Variants in NRXN3 observed in about 807,000 individuals in gnomAD.
The protein encoded by NRXN3 is neurexin III.
Under a neutral mutation model 137.6 loss-of-function variants are expected in NRXN3, and 32 were observed. The observed-to-expected ratio is 0.23, with a 90% CI of 0.18 to 0.31. The LOEUF is 0.31. NRXN3 is among the 10% of genes least tolerant of loss of function. The pLI is 1.00. For missense variants in NRXN3, 1,574 were observed against 2,062.5 expected (o/e 0.76, Z 4.59); for synonymous variants, 798 against 784.5 (o/e 1.02, Z -0.29).
chr14:78,293,516 TC>T (rs1423137635), intron 3 of NRXN3, among the ~76,000 whole-genome samples: 1 of 152,084 alleles, frequency 6.6e-6, no homozygotes, highest in Non-Finnish European at 1.5e-5. Context: ...TCCACCACTC[TC>T]CTAAAGGATC....
At chr14:78,283,147 G>T (rs77983856) in intron 3 of NRXN3, 1 of 152,264 alleles carries the variant, frequency 6.6e-6, no homozygotes, top group African/African-American at 2.4e-5. Flanking sequence ...GGAAGAAGAA[G>T]AACGAGATTA....
At chr14:78,272,237 C>T (rs774770474) in intron 2 of NRXN3, among the ~76,000 whole-genome samples, 22 of 152,248 alleles carry the variant, frequency 1.4e-4, no homozygotes, top group Non-Finnish European at 2.5e-4. Context: ...CCCTCATGCA[C>T]GTTTATGTGA....
intron 19 of NRXN3, among the ~76,000 whole-genome samples, chr14:79,787,218 T>G (rs1463782855): frequency 6.6e-6 from 1 of 152,184 alleles, no homozygotes; most frequent in Admixed American, 6.5e-5. Context: ...TGAAAGCAAA[T>G]GTACTCTTCC....
At chr14:79,554,575 G>A (rs935658022) in intron 16 of NRXN3, among the ~76,000 whole-genome samples, 8 of 152,108 alleles carry the variant, frequency 5.3e-5, no homozygotes, top group Admixed American at 1.3e-4. Flanking sequence ...GCTTATTAGC[G>A]TACTACTTGG....
intron 19 of NRXN3, among the ~76,000 whole-genome samples, chr14:79,742,545 C>T (rs1418239629): frequency 6.6e-6 from 1 of 152,038 alleles, no homozygotes; most frequent in African/African-American, 2.4e-5. Flanking sequence ...CCAAGTATTT[C>T]TAAATAAAAG....
chr14:79,411,577 G>A (rs1454945669), intron 15 of NRXN3, among the ~76,000 whole-genome samples: 1 of 151,974 alleles, frequency 6.6e-6, no homozygotes, highest in African/African-American at 2.4e-5. Context: ...GCCCTTTATA[G>A]TACACAAAGA....
intron 19 of NRXN3, among the ~76,000 whole-genome samples, chr14:79,800,329 G>GA (rs2099174059): frequency 6.6e-6 from 1 of 152,170 alleles, no homozygotes; most frequent in Admixed American, 6.5e-5. Flanking sequence ...CACTACAAGT[G>GA]TTTATACCCT....
intron 19 of NRXN3, among the ~76,000 whole-genome samples, chr14:79,720,087 TA>T (rs1220470343): frequency 2.0e-5 from 3 of 152,086 alleles, no homozygotes; most frequent in Admixed American, 2.0e-4. Context: ...CTGGGTAATT[TA>T]TAAAGGAAAG....
At chr14:79,594,290 T>C (rs990692399) in intron 16 of NRXN3, among the ~76,000 whole-genome samples, 1 of 152,166 alleles carries the variant, frequency 6.6e-6, no homozygotes, top group African/African-American at 2.4e-5. Flanking sequence ...ATCATAATAA[T>C]TGGGACTGAG....
intron 6 of NRXN3, chr14:78,703,661 T>A (rs953926362): frequency 6.6e-6 from 1 of 152,234 alleles, no homozygotes; most frequent in Non-Finnish European, 1.5e-5. Context: ...TCTGCTCCAC[T>A]CATGGTACCC....
At chr14:79,550,159 C>A (rs2006270) in intron 16 of NRXN3, among the ~76,000 whole-genome samples, 1 of 151,864 alleles carries the variant, frequency 6.6e-6, no homozygotes, top group African/African-American at 2.4e-5. Flanking sequence ...TTAGTAGAGA[C>A]GAGGTTTCAC....
chr14:78,430,153 A>G (rs2093822330), intron 4 of NRXN3, among the ~76,000 whole-genome samples: 1 of 152,228 alleles, frequency 6.6e-6, no homozygotes, highest in Non-Finnish European at 1.5e-5. Context: ...TGGGAAGACC[A>G]CATGAGCCCA....
intron 4 of NRXN3, among the ~76,000 whole-genome samples, chr14:78,462,328 C>T (rs988085378): frequency 1.4e-4 from 21 of 152,272 alleles, no homozygotes; most frequent in African/African-American, 5.1e-4. Context: ...GTGGCTCTGT[C>T]TCCTAGGGTG....
Position 78,185,162 on chromosome 14 carries a change from G to C in NRXN3, c.-704+14488G>C, listed in dbSNP as rs1473799362. ...TGCTAGGAATACAGAGAAGAGTAAT[G>C]GTTGACATTCTTTAGTGGAGGATGA... On this transcript the variant is annotated intron_variant, in intron 1 of 20. Transcript: ENST00000335750. Among the ~76,000 whole-genome samples, 3 of 152,164 alleles carry C rather than the reference G, an allele frequency of 2.0e-5. No homozygotes were observed. In the East Asian group the frequency reaches 5.8e-4, roughly 29 times the overall value.
intron 16 of NRXN3, among the ~76,000 whole-genome samples, chr14:79,531,527 T>C (rs1398696690): frequency 3.9e-5 from 6 of 152,200 alleles, no homozygotes; most frequent in African/African-American, 1.2e-4. Context: ...AGCATGCTTA[T>C]GGGAAAAGCC....
Position 78,510,737 on chromosome 14 carries a change from A to G in NRXN3, c.758-134383A>G, listed in dbSNP as rs146558408. Among the ~76,000 whole-genome samples, 316 of 152,282 alleles carry G rather than the reference A, an allele frequency of 2.1e-3. 6 individuals are homozygous for G. The highest frequency in any genetic ancestry group is 1.2e-3 in the Non-Finnish European group (79 of 68,016). On this transcript the variant is annotated intron_variant, in intron 4 of 20. Coordinates refer to ENST00000335750, the MANE Select transcript of NRXN3 (RefSeq NM_001330195.2). ...TCTCTTGCTTTTTTCCTGAAGACCT[A>G]TAAGGCTTGCTGACTAAATTTCATG...
chr14:78,745,421 T>G (rs2098602555), intron 8 of NRXN3: 2 of 152,396 alleles, frequency 1.3e-5, no homozygotes, highest in South Asian at 4.1e-4. Flanking sequence ...GATTGACACA[T>G]CATTTCTTTA....
At chr14:78,506,341 G>T (rs986826274) in intron 4 of NRXN3, among the ~76,000 whole-genome samples, 1 of 152,102 alleles carries the variant, frequency 6.6e-6, no homozygotes, top group African/African-American at 2.4e-5. Flanking sequence ...TGAAACTTTG[G>T]GTTGTTTCCA....
Position 79,034,349 on chromosome 14 carries a change from T to TTCACACACACACACACAC in NRXN3, c.3262+46208_3262+46209insTCACACACACACACACAC, listed in dbSNP as rs2099612616. Among the ~76,000 whole-genome samples the TTCACACACACACACACAC allele has an allele frequency of 4.2e-5, 6 of 144,530 alleles. No individual in the cohort carries two copies. In the Admixed American group the frequency reaches 4.2e-4, roughly 10 times the overall value. 94.8% of individuals were successfully genotyped at this position (144,530 alleles called of 152,430 possible). A position where few individuals can be genotyped will look rare whatever the true frequency, so the allele number is the denominator to read the frequency against. ...TACTATAATTATGGTTCTTATTTCT[T>TTCACACACACACACACAC]ACACACACACACACACACACACACA... On this transcript the variant is annotated intron_variant, in intron 15 of 20. Transcript: ENST00000335750.
Sources: gnomAD v4.1 joint callset for allele counts (sites outside exome capture counted in the v4.1 genomes callset) on GRCh38, gnomAD v4.1.1 for gene constraint, MANE v1.5 for transcripts, NCBI Gene and HGNC (gene_info 2026-07-23, HGNC 2026-07-21) for gene names.